Variants in EPSTI1 observed in about 807,000 individuals in gnomAD.
EPSTI1 encodes epithelial stromal interaction 1, also known as epithelial-stromal interaction protein 1.
A neutral mutation model predicts 49.9 loss-of-function variants in EPSTI1; 66 were observed. The ratio of observed to expected loss-of-function variants is 1.32; its 90% confidence interval spans 1.08 to 1.62. The LOEUF is 1.62. Ranked by LOEUF, EPSTI1 falls within the 40% of genes most tolerant of loss-of-function variation. EPSTI1 has a pLI of 0.00. For missense variants in EPSTI1, 394 were observed against 365.5 expected (o/e 1.08, Z -0.64); for synonymous variants, 137 against 130.7 (o/e 1.05, Z -0.33).
intron 9 of EPSTI1, among the ~76,000 whole-genome samples, chr13:42,897,286 G>A (rs1452428013): frequency 6.6e-6 from 1 of 152,098 alleles, no homozygotes; most frequent in African/African-American, 2.4e-5. Flanking sequence ...GCCTTCCTAA[G>A]TAACCTATCA....
At chr13:42,925,917 A>G (rs935616597) in intron 7 of EPSTI1, among the ~76,000 whole-genome samples, 1 of 148,640 alleles carries the variant, frequency 6.7e-6, no homozygotes, top group African/African-American at 2.5e-5. Flanking sequence ...TAAAACCATT[A>G]GTGTTCTCCT....
chr13:42,964,241 C>G, intron 3 of EPSTI1, 102 bp from the exon 4 acceptor site: 1 of 805,342 alleles, frequency 1.2e-6, no homozygotes, highest in Non-Finnish European at 1.9e-6. Flanking sequence ...CATGAGTTCC[C>G]TTAACATTCT....
intron 6 of EPSTI1, among the ~76,000 whole-genome samples, chr13:42,951,205 C>T (rs1235078560): frequency 6.6e-6 from 1 of 152,064 alleles, no homozygotes; most frequent in African/African-American, 2.4e-5. Context: ...ATTTTTTCCA[C>T]CATACACTGA....
intron 9 of EPSTI1, 136 bp downstream of exon 9, chr13:42,900,174 C>G: frequency 1.3e-6 from 1 of 748,998 alleles, no homozygotes. Context: ...ATATCACGTC[C>G]CAATAACAGA....
At chr13:42,890,296 C>CTTTTT (rs71202241) in intron 10 of EPSTI1, among the ~76,000 whole-genome samples, 77 of 116,262 alleles carry the variant, frequency 6.6e-4, no homozygotes, top group African/African-American at 1.4e-3. Context: ...TTTTTCTTTT[C>CTTTTT]TTTTTTTTTT....
At chr13:42,965,596 C>A (rs1329857280) in intron 3 of EPSTI1, among the ~76,000 whole-genome samples, 1 of 152,174 alleles carries the variant, frequency 6.6e-6, no homozygotes, top group African/African-American at 2.4e-5. Flanking sequence ...ATTCTGAATT[C>A]TATGTCTTCT....
rs573228021 is a variant in EPSTI1 at position 42,952,934 on chromosome 13, G to A, written c.563+1014C>T. ...CTGTGCTTAGAGGGGGAATATGTTGGAGGCTGTCACAAATATGCTCACCCC... is the reference window on the plus strand; with the variant it reads ...CTGTGCTTAGAGGGGGAATATGTTGAAGGCTGTCACAAATATGCTCACCCC... On this transcript the variant is annotated intron_variant, in intron 6 of 10. Coordinates refer to ENST00000313624, the MANE Select transcript of EPSTI1 (RefSeq NM_033255.5). Among the ~76,000 whole-genome samples the A allele has an allele frequency of 3.9e-5, 6 of 152,256 alleles. No individual in the cohort carries two copies. In the South Asian group the frequency reaches 1.2e-3, roughly 32 times the overall value.
At position 42,895,525 on chromosome 13, in the gene EPSTI1, T is replaced by C. The variant is rs116986146; in HGVS notation, c.816-417A>G. Among the ~76,000 whole-genome samples, 376 of 152,300 alleles carry C rather than the reference T, an allele frequency of 2.5e-3. 2 individuals are homozygous for C. The East Asian group carries it at 0.031, about 13-fold the overall frequency. ...TATGGCATTATTGTTGCAAGATAGA[T>C]GTCCTTCCTATATTCCCTGCACTCC... On this transcript the variant is annotated intron_variant, in intron 9 of 10. Transcript: ENST00000313624.
chr13:42,991,935 G>A (rs760008680), intron 1 of EPSTI1, 43 bp downstream of exon 1: 53 of 1,609,152 alleles, frequency 3.3e-5, no homozygotes, highest in Non-Finnish European at 4.2e-5. Context: ...GTATGTTTGG[G>A]GCCCGGGCTC....
At chr13:42,961,947 C>T (rs1368686066) in intron 5 of EPSTI1, among the ~76,000 whole-genome samples, 6 of 152,198 alleles carry the variant, frequency 3.9e-5, no homozygotes, top group Non-Finnish European at 8.8e-5. Context: ...GCTCCATAAG[C>T]ACAGCCATTA....
chr13:42,923,765 A>G (rs1476804314), intron 7 of EPSTI1, among the ~76,000 whole-genome samples: 3 of 152,208 alleles, frequency 2.0e-5, no homozygotes, highest in African/African-American at 7.2e-5. Flanking sequence ...TCCTAAGCCA[A>G]AAGGAATTTT....
At chr13:42,917,906 C>T (rs2037884453) in intron 7 of EPSTI1, among the ~76,000 whole-genome samples, 1 of 152,198 alleles carries the variant, frequency 6.6e-6, no homozygotes, top group Admixed American at 6.5e-5. Flanking sequence ...AATATCCCCT[C>T]AGAGATAATC....
intron 6 of EPSTI1, among the ~76,000 whole-genome samples, chr13:42,951,322 C>T (rs963181597): frequency 6.6e-6 from 1 of 152,158 alleles, no homozygotes; most frequent in Admixed American, 6.5e-5. Context: ...AGTTATTGGT[C>T]TTTTAATTTC....
intron 6 of EPSTI1, among the ~76,000 whole-genome samples, chr13:42,943,724 C>G (rs1452078896): frequency 4.6e-5 from 7 of 152,160 alleles, no homozygotes; most frequent in African/African-American, 1.7e-4. Flanking sequence ...AAGACAAAAA[C>G]TGGCCTGGCC....
At chr13:42,928,290 CAT>C (rs2038248582) in intron 6 of EPSTI1, among the ~76,000 whole-genome samples, 1 of 152,116 alleles carries the variant, frequency 6.6e-6, no homozygotes, top group African/African-American at 2.4e-5. Flanking sequence ...ATAAAATTTC[CAT>C]ATATTGGCTG....
chr13:42,972,826 C>T (rs941187499), intron 1 of EPSTI1, among the ~76,000 whole-genome samples: 6 of 151,768 alleles, frequency 4.0e-5, no homozygotes, highest in Non-Finnish European at 8.8e-5. Flanking sequence ...TATCCAACCA[C>T]TCAACATGAG....
chr13:42,956,283 G>C (rs938725400), intron 5 of EPSTI1, among the ~76,000 whole-genome samples: 1 of 152,164 alleles, frequency 6.6e-6, no homozygotes, highest in South Asian at 2.1e-4. Flanking sequence ...CATGTTATGA[G>C]GGTGCTTCTT....
intron 5 of EPSTI1, 108 bp downstream of exon 5, chr13:42,963,147 G>GAC (rs1053721254): frequency 1.4e-5 from 12 of 884,394 alleles, no homozygotes; most frequent in Middle Eastern, 2.3e-4. Flanking sequence ...TAGAAAGAGA[G>GAC]AGAGAGAGAA....
intron 8 of EPSTI1, among the ~76,000 whole-genome samples, chr13:42,910,257 CTTTTTTTTT>C (rs71099807): frequency 4.8e-4 from 47 of 97,666 alleles, no homozygotes; most frequent in Admixed American, 1.3e-3. Flanking sequence ...TTAACCAAAT[CTTTTTTTTT>C]TTTTTTTTTT....
Sources: gnomAD v4.1 joint callset for allele counts (sites outside exome capture counted in the v4.1 genomes callset) on GRCh38, gnomAD v4.1.1 for gene constraint, MANE v1.5 for transcripts, NCBI Gene and HGNC (gene_info 2026-07-23, HGNC 2026-07-21) for gene names.